The following ITGA9 variants were observed in gnomAD, a reference collection of about 807,000 sequenced individuals.
ITGA9 encodes the protein integrin subunit alpha 9.
Under a neutral mutation model 127.8 loss-of-function variants are expected in ITGA9, and 56 were observed. The observed-to-expected ratio is 0.44, with a 90% CI of 0.35 to 0.55. ITGA9 has a LOEUF of 0.55. Among genes scored for constraint, ITGA9 ranks in the 20% least tolerant of loss-of-function variants. ITGA9 has a pLI of 0.00. For synonymous variants in ITGA9, 508 were observed against 514.5 expected (o/e 0.99, Z 0.17); for missense variants, 1,196 against 1,347.1 (o/e 0.89, Z 1.76).
At chr3:37,673,206 G>A (rs1700653515) in intron 17 of ITGA9, among the ~76,000 whole-genome samples, 1 of 152,146 alleles carries the variant, frequency 6.6e-6, no homozygotes, top group South Asian at 2.1e-4. Flanking sequence ...TTAGTACCTC[G>A]TTGCACTTTA....
intron 1 of ITGA9, among the ~76,000 whole-genome samples, chr3:37,457,951 A>G (rs989743258): frequency 9.2e-5 from 14 of 152,212 alleles, no homozygotes; most frequent in African/African-American, 3.4e-4. Flanking sequence ...CCCTGGTGAC[A>G]TGCTGCTGTT....
intron 17 of ITGA9, among the ~76,000 whole-genome samples, chr3:37,657,762 C>G (rs1700493343): frequency 6.6e-6 from 1 of 151,716 alleles, no homozygotes; most frequent in Non-Finnish European, 1.5e-5. Flanking sequence ...TCTTACTTCT[C>G]TAGTTCTTTT....
chr3:37,535,742 G>T (rs1180154767), intron 14 of ITGA9, among the ~76,000 whole-genome samples: 20 of 152,138 alleles, frequency 1.3e-4, no homozygotes, highest in Admixed American at 1.3e-3. Context: ...CTAAGGGTGT[G>T]TTTCCCCGAT....
chr3:37,543,907 A>G (rs892265690), intron 15 of ITGA9, among the ~76,000 whole-genome samples: 6 of 152,188 alleles, frequency 3.9e-5, no homozygotes, highest in African/African-American at 1.4e-4. Flanking sequence ...GGCCATTTAT[A>G]AAGCTGCTCC....
chr3:37,595,960 A>T (rs948283684), intron 15 of ITGA9, among the ~76,000 whole-genome samples: 1 of 152,216 alleles, frequency 6.6e-6, no homozygotes, highest in Non-Finnish European at 1.5e-5. Context: ...TCATTGATTC[A>T]TCAGGTCAGT....
At chr3:37,587,466 G>C (rs958416052) in intron 15 of ITGA9, among the ~76,000 whole-genome samples, 3 of 152,130 alleles carry the variant, frequency 2.0e-5, no homozygotes, top group Non-Finnish European at 4.4e-5. Flanking sequence ...GTTATCAGAT[G>C]GGAAGATTTC....
At chr3:37,686,005 T>C (rs1420961538) in intron 18 of ITGA9, among the ~76,000 whole-genome samples, 3 of 152,254 alleles carry the variant, frequency 2.0e-5, no homozygotes, top group African/African-American at 7.2e-5. Flanking sequence ...CCTCTTATTC[T>C]GTATTTAGGT....
intron 26 of ITGA9, among the ~76,000 whole-genome samples, chr3:37,802,826 G>A (rs1206712560): frequency 2.6e-5 from 4 of 152,190 alleles, no homozygotes; most frequent in African/African-American, 9.6e-5. Context: ...ACTAGGTACG[G>A]AGTTAGGAAG....
chr3:37,460,118 CTCTGAGTTCT>C (rs144140357), intron 1 of ITGA9, among the ~76,000 whole-genome samples: 2,296 of 152,290 alleles, frequency 0.015, 54 homozygotes, highest in African/African-American at 0.05. Context: ...CCCCCATCCA[CTCTGAGTTCT>C]ACTGGCTCCC....
chr3:37,625,993 C>T (rs979260213), intron 15 of ITGA9, among the ~76,000 whole-genome samples: 2 of 152,174 alleles, frequency 1.3e-5, no homozygotes, highest in African/African-American at 4.8e-5. Flanking sequence ...AAGCAGCATT[C>T]GCACCCCTAC....
intron 14 of ITGA9, among the ~76,000 whole-genome samples, chr3:37,534,271 C>T (rs1445836761): frequency 6.6e-6 from 1 of 152,204 alleles, no homozygotes; most frequent in East Asian, 1.9e-4. Flanking sequence ...GGACCTGAAC[C>T]TACTGACGTT....
At chr3:37,774,522 C>G (rs1696882721) in intron 23 of ITGA9, among the ~76,000 whole-genome samples, 1 of 141,780 alleles carries the variant, frequency 7.1e-6, no homozygotes. Flanking sequence ...TGGCAAAACT[C>G]TATCTCTACC....
At chr3:37,599,403 C>T (rs1436923523) in intron 15 of ITGA9, among the ~76,000 whole-genome samples, 1 of 152,206 alleles carries the variant, frequency 6.6e-6, no homozygotes, top group Non-Finnish European at 1.5e-5. Flanking sequence ...CATCATCCAG[C>T]AGGCTGGCCT....
At chr3:37,768,563 C>G (rs1233913036) in intron 23 of ITGA9, among the ~76,000 whole-genome samples, 1 of 152,144 alleles carries the variant, frequency 6.6e-6, no homozygotes, top group Non-Finnish European at 1.5e-5. Context: ...TTCAGAGAAG[C>G]AGGCGATAAG....
In ITGA9 at chr3:37,793,389, AACACACACACACAC is replaced by A. The variant is rs10575371; in HGVS notation, c.2889+8346_2889+8359del. Among the ~76,000 whole-genome samples the A allele has an allele frequency of 2.5e-3, 335 of 134,560 alleles. 2 individuals are homozygous for A. Among genetic ancestry groups the A allele is most frequent in the Middle Eastern group, 0.015 (4 of 272 alleles). The allele number at this position is 134,560 out of a possible 152,430, so 88.3% of individuals were successfully genotyped here. On this transcript the variant is annotated intron_variant, in intron 26 of 27. Transcript: ENST00000264741. ...AGACTTCCACAGCCCCAAACAGGTC[AACACACACACACAC>A]ACACACACACACACACACACACACA... is the stretch of plus-strand genomic sequence containing the variant.
Position 37,819,092 on chromosome 3 carries a change from C to G in ITGA9, c.*103C>G. The G allele has an allele frequency of 2.3e-6, 2 of 856,468 alleles. No homozygotes were observed. The highest frequency in any genetic ancestry group is 3.9e-6 in the Non-Finnish European group (2 of 511,894). The allele number at this position is 856,468 out of a possible 1,614,324, so 53.1% of individuals were successfully genotyped here. Reference sequence around the variant, plus strand: ...AATCTTCTCCAGATTTTTCGGAGGCCCCACTGATGCTGTTCTCTTCTTCAT... The same window carrying G: ...AATCTTCTCCAGATTTTTCGGAGGCGCCACTGATGCTGTTCTCTTCTTCAT... On this transcript the variant is annotated 3_prime_UTR_variant, in exon 28 of 28. Transcript: ENST00000264741.
At chr3:37,772,521 T>C (rs754213771) in intron 23 of ITGA9, among the ~76,000 whole-genome samples, 3 of 151,820 alleles carry the variant, frequency 2.0e-5, no homozygotes, top group Non-Finnish European at 2.9e-5. Context: ...GTAAGGGCCA[T>C]GCAAGTGTTA....
intron 23 of ITGA9, among the ~76,000 whole-genome samples, chr3:37,775,918 C>T (rs1231347861): frequency 6.6e-6 from 1 of 152,104 alleles, no homozygotes. Context: ...ATAGCAAAGA[C>T]ATGGAATCAA....
At chr3:37,677,281 A>T (rs905575860) in intron 17 of ITGA9, among the ~76,000 whole-genome samples, 1 of 152,198 alleles carries the variant, frequency 6.6e-6, no homozygotes, top group Non-Finnish European at 1.5e-5. Flanking sequence ...ACAGATGAGC[A>T]ATTTTGGTTT....
Sources: allele counts gnomAD v4.1 joint callset (sites outside exome capture counted in the v4.1 genomes callset), GRCh38; gene constraint gnomAD v4.1.1; transcripts MANE v1.5; gene names NCBI Gene and HGNC (gene_info 2026-07-23, HGNC 2026-07-21).